Variants in PDE4D observed in about 807,000 individuals in gnomAD.
PDE4D encodes the protein 3',5'-cyclic-AMP phosphodiesterase 4D.
PDE4D carries 24 observed loss-of-function variants against 87.4 expected under a neutral mutation model. That is an observed-to-expected ratio of 0.27 (90% CI 0.20 to 0.39). The LOEUF is 0.39. PDE4D is among the 10% of genes least tolerant of loss of function. PDE4D has a pLI of 1.00. For missense variants in PDE4D, 714 were observed against 1,041.0 expected (o/e 0.69, Z 4.32); for synonymous variants, 384 against 383.2 (o/e 1.00, Z -0.02).
At chr5:59,805,023 C>A (rs1014905144) in intron 1 of PDE4D, among the ~76,000 whole-genome samples, 1 of 152,150 alleles carries the variant, frequency 6.6e-6, no homozygotes. Context: ...AAATTCCTGA[C>A]CTCAAGTGAT....
At chr5:59,275,875 T>G in intron 1 of PDE4D, 1 of 985,372 alleles carries the variant, frequency 1.0e-6, no homozygotes, top group Non-Finnish European at 1.2e-6. Context: ...GAAGTTCCAT[T>G]TCAGGGCAAG....
chr5:59,798,769 A>C (rs866731620), intron 1 of PDE4D, among the ~76,000 whole-genome samples: 32 of 152,186 alleles, frequency 2.1e-4, no homozygotes, highest in Admixed American at 5.9e-4. Flanking sequence ...ATGTGTGAAC[A>C]AGTTTTGTTT....
chr5:59,033,787 C>T (rs1758020591), intron 6 of PDE4D, among the ~76,000 whole-genome samples: 1 of 151,928 alleles, frequency 6.6e-6, no homozygotes, highest in Admixed American at 6.6e-5. Flanking sequence ...TGCTCTCAGA[C>T]AGAAGTTACC....
chr5:59,809,843 C>G (rs1768143468), intron 1 of PDE4D, among the ~76,000 whole-genome samples: 1 of 152,198 alleles, frequency 6.6e-6, no homozygotes, highest in South Asian at 2.1e-4. Flanking sequence ...TTAGTGCTCA[C>G]TCCAAACTAT....
intron 5 of PDE4D, chr5:59,063,244 A>G (rs1483323113): frequency 2.6e-5 from 4 of 152,198 alleles, no homozygotes; most frequent in Non-Finnish European, 2.9e-5. Context: ...ACAGTGAACC[A>G]TGAAAGATGC....
intron 1 of PDE4D, among the ~76,000 whole-genome samples, chr5:60,352,159 T>A (rs1285924998): frequency 1.3e-5 from 2 of 152,076 alleles, no homozygotes; most frequent in Non-Finnish European, 2.9e-5. Flanking sequence ...ATACTCAAAA[T>A]GTTTCTATCA....
chr5:60,073,217 A>G (rs1772919662), intron 2 of PDE4D, among the ~76,000 whole-genome samples: 1 of 152,102 alleles, frequency 6.6e-6, no homozygotes, highest in Non-Finnish European at 1.5e-5. Flanking sequence ...GGTTTTTAAC[A>G]TGAAGAGGTG....
rs16878159 is a variant in PDE4D, at chr5:60,496,753, T to C, written n.70+25298A>G. Among the ~76,000 whole-genome samples the C allele has an allele frequency of 8.1e-3, 1,239 of 152,262 alleles. 22 individuals carry two copies. The highest frequency in any genetic ancestry group is 0.027 in the African/African-American group (1,114 of 41,562). ...AGTTTCCCTAAGGACATAGAGTTGATAGGTGGGAGAGGAAACAGTTAAATA... is the reference window on the plus strand; with the variant it reads ...AGTTTCCCTAAGGACATAGAGTTGACAGGTGGGAGAGGAAACAGTTAAATA... On this transcript the variant is annotated intron_variant and non_coding_transcript_variant, in intron 1 of 2. Coordinates refer to the PDE4D transcript ENST00000506510.
chr5:59,776,646 G>A (rs990246612), intron 1 of PDE4D, among the ~76,000 whole-genome samples: 1 of 152,100 alleles, frequency 6.6e-6, no homozygotes, highest in African/African-American at 2.4e-5. Flanking sequence ...CAATGCCTAA[G>A]TTAATTTAAT....
At chr5:60,102,508 G>A (rs1331216021) in intron 2 of PDE4D, among the ~76,000 whole-genome samples, 3 of 152,126 alleles carry the variant, frequency 2.0e-5, no homozygotes, top group Admixed American at 2.0e-4. Context: ...TTTACAAACA[G>A]TGCTCTAAAT....
chr5:59,338,140 C>T (rs146879397), intron 1 of PDE4D, among the ~76,000 whole-genome samples: 39 of 152,296 alleles, frequency 2.6e-4, no homozygotes, highest in African/African-American at 8.7e-4. Context: ...ATGTTGCCTC[C>T]CGTGATAATA....
At chr5:59,914,687 A>G (rs1488686579) in intron 3 of PDE4D, among the ~76,000 whole-genome samples, 1 of 151,896 alleles carries the variant, frequency 6.6e-6, no homozygotes, top group African/African-American at 2.4e-5. Flanking sequence ...TATTTTAAGA[A>G]GATCATACTC....
chr5:60,229,754 C>T (rs1745588024), intron 1 of PDE4D, among the ~76,000 whole-genome samples: 1 of 152,102 alleles, frequency 6.6e-6, no homozygotes, highest in South Asian at 2.1e-4. Flanking sequence ...TGAACAATCA[C>T]TTGGGTTTAG....
intron 1 of PDE4D, among the ~76,000 whole-genome samples, chr5:59,294,814 T>C (rs772577012): frequency 5.9e-5 from 9 of 152,214 alleles, no homozygotes; most frequent in Non-Finnish European, 1.2e-4. Flanking sequence ...TTTGTGGCTG[T>C]AGAGGAAACA....
At chr5:60,474,153 A>AT (rs1477103420) in intron 1 of PDE4D, among the ~76,000 whole-genome samples, 17 of 44,256 alleles carry the variant, frequency 3.8e-4, no homozygotes, top group African/African-American at 2.1e-3. Context: ...TATATATAAC[A>AT]AAAACCTTAG....
intron 1 of PDE4D, among the ~76,000 whole-genome samples, chr5:59,743,308 T>C (rs894039738): frequency 6.6e-6 from 1 of 152,124 alleles, no homozygotes; most frequent in Admixed American, 6.5e-5. Context: ...GGAATGACTG[T>C]TAAACCTTGA....
chr5:59,248,224 T>C (rs1759267071), intron 1 of PDE4D, among the ~76,000 whole-genome samples: 1 of 149,858 alleles, frequency 6.7e-6, no homozygotes, highest in South Asian at 2.2e-4. Flanking sequence ...CCTCAATAAG[T>C]TGTCCTGTTC....
At chr5:59,651,650 T>C (rs1475862676) in intron 1 of PDE4D, among the ~76,000 whole-genome samples, 2 of 152,214 alleles carry the variant, frequency 1.3e-5, no homozygotes, top group Non-Finnish European at 2.9e-5. Context: ...CTGAGTTTTA[T>C]GAAAATGATT....
At chr5:59,121,067 A>G (rs1050673798) in intron 5 of PDE4D, among the ~76,000 whole-genome samples, 1 of 152,232 alleles carries the variant, frequency 6.6e-6, no homozygotes, top group Non-Finnish European at 1.5e-5. Context: ...TCAACTCAAG[A>G]TGGATTAAAG....
Sources: gnomAD v4.1 joint callset for allele counts (sites outside exome capture counted in the v4.1 genomes callset) on GRCh38, gnomAD v4.1.1 for gene constraint, MANE v1.5 for transcripts, NCBI Gene and HGNC (gene_info 2026-07-23, HGNC 2026-07-21) for gene names.